The following HMCN1 variants were observed in gnomAD, a reference collection of about 807,000 sequenced individuals.
HMCN1 encodes the protein hemicentin 1.
A neutral mutation model predicts 625.9 loss-of-function variants in HMCN1; 321 were observed. The observed-to-expected ratio is 0.51, with a 90% CI of 0.47 to 0.56. The LOEUF is 0.56. Ranked by LOEUF, HMCN1 falls within the 20% of genes least tolerant of loss-of-function variation. HMCN1 has a pLI of 0.00. For missense variants in HMCN1, 6,588 were observed against 6,887.3 expected (o/e 0.96, Z 1.54); for synonymous variants, 2,425 against 2,417.6 (o/e 1.00, Z -0.09).
At position 185,925,204 on chromosome 1, in the gene HMCN1, TTCTG is replaced by T; in HGVS notation, c.1430+16_1430+19del. ...ACCAGTATTTGAAGTAGGTACATGT[TTCTG>T]TCAGTAATAAGATTCAGCATTTAAC... On this transcript the variant is annotated intron_variant, in intron 9 of 106. Transcript: ENST00000271588. The T allele has an allele frequency of 6.2e-7, 1 of 1,607,508 alleles. No homozygotes were observed. Among genetic ancestry groups the T allele is most frequent in the Non-Finnish European group, 8.5e-7 (1 of 1,174,018 alleles).
At chr1:186,026,606 T>C (rs1243640421) in intron 36 of HMCN1, among the ~76,000 whole-genome samples, 1 of 152,100 alleles carries the variant, frequency 6.6e-6, no homozygotes, top group Non-Finnish European at 1.5e-5. Flanking sequence ...ACCAACCCTG[T>C]AGTTACTTTT....
rs866367678 is a variant in HMCN1, at chr1:186,125,644, C to T, written c.12540C>T (p.Val4180=). 1 of 1,613,288 alleles carries T rather than the reference C, an allele frequency of 6.2e-7. No homozygotes were observed. Among genetic ancestry groups the T allele is most frequent in the Middle Eastern group, 1.7e-4 (1 of 6,056 alleles). ...GAAGTACAGAAGGACACTACACGGT[C>T]AATGAGAATTCACAAGCCATTCTTC... is the stretch of plus-strand genomic sequence containing the variant. ...RIRSTEGHYT[V]NENSQAILPC... Residue 4180 remains valine, a synonymous_variant, in exon 82 of 107, where the codon GTC becomes GTT. Coordinates refer to ENST00000271588, the MANE Select transcript of HMCN1 (RefSeq NM_031935.3).
intron 39 of HMCN1, among the ~76,000 whole-genome samples, 165 bp downstream of exon 39, chr1:186,040,044 C>T (rs1438751507): frequency 1.3e-5 from 2 of 152,060 alleles, no homozygotes; most frequent in Non-Finnish European, 2.9e-5. Flanking sequence ...AACTGGGGTC[C>T]CCAAACAATT....
Position 186,000,050 on chromosome 1 carries a change from C to T in HMCN1, c.3880C>T (p.Pro1294Ser). ...GACTTTAATTTCTTATTTAGGTACC[C>T]CTAAACCAACCATCAAATGGTTACA... ...IEFPCPAKGT[P>S]KPTIKWLHNG... The change falls in exon 26 of 107, where the codon CCT becomes TCT. Residue 1294 changes from proline to serine, a missense_variant. This residue lies in a region of HMCN1 where 4,628 missense variants were observed against 4,853.1 expected (regional missense o/e 0.95). Coordinates refer to ENST00000271588, the MANE Select transcript of HMCN1 (RefSeq NM_031935.3). 1.9e-6 allele frequency: 3 copies of T among 1,610,396 alleles called. No individual in the cohort carries two copies. Among genetic ancestry groups the T allele is most frequent in the Non-Finnish European group, 2.5e-6 (3 of 1,177,458 alleles).
At chr1:185,911,268 A>G (rs1289993157) in intron 5 of HMCN1, among the ~76,000 whole-genome samples, 1 of 152,172 alleles carries the variant, frequency 6.6e-6, no homozygotes, top group Non-Finnish European at 1.5e-5. Context: ...TAGCCATAGT[A>G]ATTACTATCT....
At chr1:185,858,777 G>A (rs530732808) in intron 2 of HMCN1, among the ~76,000 whole-genome samples, 1 of 149,790 alleles carries the variant, frequency 6.7e-6, no homozygotes, top group Non-Finnish European at 1.5e-5. Flanking sequence ...TCTTAAGTTT[G>A]GAAATAAAAC....
chr1:185,772,959 T>C (rs1487185431), intron 1 of HMCN1, among the ~76,000 whole-genome samples: 2 of 152,284 alleles, frequency 1.3e-5, no homozygotes, highest in African/African-American at 4.8e-5. Flanking sequence ...AATTCGTTCA[T>C]GAGGGCTCTG....
intron 16 of HMCN1, 44 bp from the exon 17 acceptor site, chr1:185,980,934 C>A: frequency 8.8e-7 from 1 of 1,142,144 alleles, no homozygotes; most frequent in Non-Finnish European, 1.3e-6. Flanking sequence ...ATAGTTAATT[C>A]TCCATAGATG....
chr1:185,847,914 C>T (rs1335684850), intron 2 of HMCN1, among the ~76,000 whole-genome samples: 1 of 152,012 alleles, frequency 6.6e-6, no homozygotes, highest in Non-Finnish European at 1.5e-5. Context: ...TATGATACTA[C>T]TACACTACAG....
In HMCN1 at chr1:186,121,963, A is replaced by G. The variant is rs561435588; in HGVS notation, c.12230-988A>G. ...GAGAGTGAACGGCTTTGTTAAATGC[A>G]GTTGAGTCAAGTAGGATAAGGACCC... On this transcript the variant is annotated intron_variant, in intron 80 of 106. Coordinates refer to ENST00000271588, the MANE Select transcript of HMCN1 (RefSeq NM_031935.3). Among the ~76,000 whole-genome samples, 6 of 152,314 alleles carry G rather than the reference A, an allele frequency of 3.9e-5. No homozygotes were observed. In the South Asian group the frequency reaches 1.2e-3, roughly 32 times the overall value.
chr1:186,003,804 G>C lies in HMCN1; in HGVS notation c.4435G>C (p.Gly1479Arg). 1 of 1,613,318 alleles carries C rather than the reference G, an allele frequency of 6.2e-7. No individual in the cohort carries two copies. The highest frequency in any genetic ancestry group is 1.7e-5 in the Admixed American group (1 of 59,962). Residue 1479 changes from glycine to arginine, a missense_variant, in exon 29 of 107, where the codon GGC becomes CGC. Around this residue, in one of 3 missense-constraint regions of HMCN1, gnomAD observed 4,628 missense variants for 4,853.1 expected, o/e 0.95. Transcript: ENST00000271588. Reference protein sequence around the residue: ...RDVALECQVKGTPFPDIHWFK... With the variant: ...RDVALECQVKRTPFPDIHWFK... ...CGTCGCCCTTGAATGCCAGGTCAAA[G>C]GCACTCCCTTTCCTGATATTCATTG... is the stretch of plus-strand genomic sequence containing the variant.
chr1:185,829,448 C>T (rs1660723966), intron 1 of HMCN1, among the ~76,000 whole-genome samples: 1 of 152,100 alleles, frequency 6.6e-6, no homozygotes, highest in Admixed American at 6.5e-5. Flanking sequence ...GTGTCATTCC[C>T]CCCTCTGTGT....
Position 186,001,666 on chromosome 1 carries a change from G to A in HMCN1, c.4273G>A (p.Asp1425Asn). Residue 1425 changes from aspartate (D) to asparagine (N), a missense_variant, in exon 28 of 107, where the codon GAT (aspartate) becomes AAT (asparagine). Asp to Asn is a conservative substitution (Grantham distance 23). Around this residue, in one of 3 missense-constraint regions of HMCN1, gnomAD observed 4,628 missense variants for 4,853.1 expected, o/e 0.95. Coordinates refer to ENST00000271588, the MANE Select transcript of HMCN1 (RefSeq NM_031935.3). ...ILKLFRATPE[D>N]AGRYSCKAIN... The stretch of plus-strand genomic sequence containing the variant: ...GAAGCTCTTCAGAGCCACTCCAGAG[G>A]ATGCAGGAAGATATTCCTGCAAAGC... The A allele has an allele frequency of 6.2e-7, 1 of 1,611,412 alleles. No homozygotes were observed. Among genetic ancestry groups the A allele is most frequent in the Non-Finnish European group, 8.5e-7 (1 of 1,177,804 alleles).
At chr1:186,114,726 G>GATTTC in intron 73 of HMCN1, 93 bp from the exon 74 acceptor site, 1 of 1,436,980 alleles carries the variant, frequency 7.0e-7, no homozygotes, top group Non-Finnish European at 9.8e-7. Flanking sequence ...ATACTGAATG[G>GATTTC]ATTTCACCAA....
In HMCN1 at chr1:186,090,804, CCTT is replaced by C; in HGVS notation, c.9777_9779del (p.Leu3260del). On this transcript the variant is annotated inframe_deletion, in exon 64 of 107. Transcript: ENST00000271588. The stretch of plus-strand genomic sequence containing the variant: ...CTGAAATTCCAAGTGATGTCAGTGT[CCTT>C]CTAGGAGAAAATGTTGAGCTGGTCT... The C allele has an allele frequency of 1.9e-6, 3 of 1,612,652 alleles. No homozygotes were observed. The highest frequency in any genetic ancestry group is 2.5e-6 in the Non-Finnish European group (3 of 1,179,060).
chr1:186,153,723 T>C lies in HMCN1; in HGVS notation c.15019-27T>C, dbSNP rs1448973204. 3 of 1,588,834 alleles carry C rather than the reference T, an allele frequency of 1.9e-6. No individual in the cohort carries two copies. In the African/African-American group the frequency reaches 4.0e-5, roughly 21 times the overall value. On this transcript the variant is annotated intron_variant, in intron 96 of 106. Coordinates refer to ENST00000271588, the MANE Select transcript of HMCN1 (RefSeq NM_031935.3). ...AAAAAATTAGTATGAGCCATATTGATCTTCAAATCCACATTGTTCTCCTTA... is the reference window on the plus strand; with the variant it reads ...AAAAAATTAGTATGAGCCATATTGACCTTCAAATCCACATTGTTCTCCTTA...
intron 4 of HMCN1, among the ~76,000 whole-genome samples, chr1:185,866,628 G>T (rs960539615): frequency 6.6e-6 from 1 of 151,506 alleles, no homozygotes; most frequent in Non-Finnish European, 1.5e-5. Context: ...GGATGATCTC[G>T]ATCTCCTGAC....
At chr1:185,938,295 A>G (rs1238568020) in intron 11 of HMCN1, among the ~76,000 whole-genome samples, 2 of 152,206 alleles carry the variant, frequency 1.3e-5, no homozygotes, top group Non-Finnish European at 2.9e-5. Flanking sequence ...ATCTAGACAC[A>G]TCCTGGCTGA....
intron 4 of HMCN1, among the ~76,000 whole-genome samples, chr1:185,884,141 G>A (rs1021422112): frequency 6.6e-5 from 10 of 151,280 alleles, no homozygotes; most frequent in Admixed American, 2.0e-4. Flanking sequence ...GCCCTTTTGT[G>A]GCCTCCTCTA....
Sources: allele counts gnomAD v4.1 joint callset (sites outside exome capture counted in the v4.1 genomes callset), GRCh38; gene constraint gnomAD v4.1.1; regional missense constraint gnomAD v4.1.1; transcripts MANE v1.5; gene names NCBI Gene and HGNC (gene_info 2026-07-23, HGNC 2026-07-21).